The following BABAM2 variants were observed in gnomAD, a reference collection of about 807,000 sequenced individuals.
BABAM2 encodes the protein BRISC and BRCA1 A complex member 2.
In BABAM2, 31 loss-of-function variants were observed where a neutral mutation model predicts 54.7. The ratio of observed to expected loss-of-function variants is 0.57; its 90% CI spans 0.43 to 0.77. BABAM2 has a LOEUF of 0.77. Among genes scored for constraint, BABAM2 ranks in the 30% least tolerant of loss-of-function variants. BABAM2 has a pLI of 0.00. For synonymous variants in BABAM2, 167 were observed against 162.9 expected (o/e 1.03, Z -0.19); for missense variants, 364 against 455.8 (o/e 0.80, Z 1.83).
At chr2:28,296,236 T>C (rs936138853) in intron 10 of BABAM2, among the ~76,000 whole-genome samples, 1 of 152,278 alleles carries the variant, frequency 6.6e-6, no homozygotes, top group Non-Finnish European at 1.5e-5. Flanking sequence ...GATCATGCTT[T>C]GCAATATGCA....
intron 6 of BABAM2, among the ~76,000 whole-genome samples, chr2:28,068,943 G>A (rs967597505): frequency 6.6e-6 from 1 of 152,184 alleles, no homozygotes; most frequent in Admixed American, 6.5e-5. Context: ...AAGTGTGCAT[G>A]TGTTTGTGTA....
chr2:27,975,743 A>C (rs116159193), intron 3 of BABAM2, among the ~76,000 whole-genome samples: 11,861 of 24,582 alleles, frequency 0.48, 782 homozygotes, highest in South Asian at 0.53. Flanking sequence ...TGCTGAAGAG[A>C]CTGTTAAGAG....
At chr2:28,167,953 C>T (rs972507299) in intron 7 of BABAM2, among the ~76,000 whole-genome samples, 1 of 152,138 alleles carries the variant, frequency 6.6e-6, no homozygotes, top group Non-Finnish European at 1.5e-5. Flanking sequence ...GATGAAGAAA[C>T]AGGCTTAGAG....
At chr2:28,185,881 A>G (rs1318909359) in intron 7 of BABAM2, among the ~76,000 whole-genome samples, 1 of 152,168 alleles carries the variant, frequency 6.6e-6, no homozygotes, top group Non-Finnish European at 1.5e-5. Flanking sequence ...TCTTTTAAAT[A>G]TATCTTTTTC....
intron 10 of BABAM2, among the ~76,000 whole-genome samples, chr2:28,285,724 T>A (rs1686734766): frequency 6.6e-6 from 1 of 151,862 alleles, no homozygotes; most frequent in Admixed American, 6.6e-5. Flanking sequence ...ACATAAGAGA[T>A]GTGCAAATAA....
At chr2:28,209,175 G>A (rs1236172815) in intron 7 of BABAM2, among the ~76,000 whole-genome samples, 1 of 152,124 alleles carries the variant, frequency 6.6e-6, no homozygotes, top group African/African-American at 2.4e-5. Context: ...TTACTAAAGG[G>A]TCTAAAGGTG....
chr2:28,007,051 T>G (rs1199652963), intron 4 of BABAM2, among the ~76,000 whole-genome samples: 1 of 151,958 alleles, frequency 6.6e-6, no homozygotes, highest in Non-Finnish European at 1.5e-5. Flanking sequence ...TTTTGATGGT[T>G]TGGAAGCATT....
chr2:28,034,013 A>G (rs549814817), intron 5 of BABAM2, among the ~76,000 whole-genome samples: 21 of 152,302 alleles, frequency 1.4e-4, no homozygotes, highest in African/African-American at 4.8e-4. Flanking sequence ...GGTTTTAAAA[A>G]TCTTTGGCTT....
chr2:27,929,141 G>C (rs937666516), intron 2 of BABAM2, among the ~76,000 whole-genome samples: 1 of 151,814 alleles, frequency 6.6e-6, no homozygotes, highest in Non-Finnish European at 1.5e-5. Context: ...GCTTGAGCCT[G>C]AGAGATTGAG....
At position 28,224,188 on chromosome 2, in the gene BABAM2, C is replaced by G. The variant is rs138480651; in HGVS notation, c.681-13014C>G. ...AAATTGCTAAATCAGAAATTCTCTA[C>G]CTGTAACTGATGTTTTCATTGATGA... On this transcript the variant is annotated intron_variant, in intron 7 of 11. Transcript: ENST00000379624. Among the ~76,000 whole-genome samples the G allele has an allele frequency of 4.2e-3, 639 of 152,256 alleles. 1 individual carries two copies. The highest frequency in any genetic ancestry group is 6.5e-3 in the Non-Finnish European group (445 of 68,030).
chr2:28,057,273 A>G (rs533405942), intron 6 of BABAM2, among the ~76,000 whole-genome samples: 1 of 152,340 alleles, frequency 6.6e-6, no homozygotes, highest in Non-Finnish European at 1.5e-5. Flanking sequence ...GTAGAAGACC[A>G]TACTTCCTTG....
intron 2 of BABAM2, among the ~76,000 whole-genome samples, chr2:27,928,055 A>G (rs1311366861): frequency 1.3e-5 from 2 of 151,948 alleles, no homozygotes; most frequent in Non-Finnish European, 2.9e-5. Context: ...CTCTGTGCCC[A>G]GGCTGGAGTG....
intron 4 of BABAM2, among the ~76,000 whole-genome samples, chr2:27,988,951 T>A (rs1672589116): frequency 6.6e-6 from 1 of 152,190 alleles, no homozygotes; most frequent in Non-Finnish European, 1.5e-5. Flanking sequence ...TACTTTGAAC[T>A]CTTGCCCTGC....
At chr2:28,303,821 A>G (rs974536764) in intron 11 of BABAM2, among the ~76,000 whole-genome samples, 1 of 152,060 alleles carries the variant, frequency 6.6e-6, no homozygotes, top group Non-Finnish European at 1.5e-5. Flanking sequence ...TTAGGTCTTT[A>G]GTTTCTCAGA....
intron 10 of BABAM2, among the ~76,000 whole-genome samples, chr2:28,277,959 C>A (rs575436016): frequency 6.6e-6 from 1 of 152,256 alleles, no homozygotes; most frequent in African/African-American, 2.4e-5. Context: ...TCCTAGAGCT[C>A]AGTCTTGGAA....
intron 5 of BABAM2, among the ~76,000 whole-genome samples, chr2:28,028,789 C>T (rs555153611): frequency 3.5e-4 from 53 of 151,850 alleles, no homozygotes; most frequent in Admixed American, 1.3e-3. Context: ...TTTTTTGAGA[C>T]GAAGTCTCAC....
At chr2:28,213,938 A>G (rs1396182098) in intron 7 of BABAM2, among the ~76,000 whole-genome samples, 1 of 80,370 alleles carries the variant, frequency 1.2e-5, no homozygotes, top group Non-Finnish European at 2.8e-5. Flanking sequence ...TAGAACTTTA[A>G]CTTGCTTTAA....
intron 7 of BABAM2, among the ~76,000 whole-genome samples, chr2:28,193,503 A>G (rs1573805064): frequency 6.6e-6 from 1 of 152,254 alleles, no homozygotes; most frequent in Middle Eastern, 3.4e-3. Context: ...AATAATACCT[A>G]TCTCACTTGC....
At chr2:27,898,370 G>A (rs1245834527) in intron 2 of BABAM2, among the ~76,000 whole-genome samples, 2 of 152,118 alleles carry the variant, frequency 1.3e-5, no homozygotes, top group African/African-American at 4.8e-5. Flanking sequence ...ATTGGAATGG[G>A]GTGAGCTTGG....
Sources: allele counts gnomAD v4.1 joint callset (sites outside exome capture counted in the v4.1 genomes callset), GRCh38; gene constraint gnomAD v4.1.1; transcripts MANE v1.5; gene names NCBI Gene and HGNC (gene_info 2026-07-23, HGNC 2026-07-21).